Variants in GTF2F1 observed in about 807,000 individuals in gnomAD.
GTF2F1 encodes general transcription factor IIF 74 kDa subunit.
Under a neutral mutation model 63.5 loss-of-function variants are expected in GTF2F1, and 39 were observed. The observed-to-expected ratio is 0.61, with a 90% CI of 0.48 to 0.80. The LOEUF is 0.80. GTF2F1 is among the 30% of genes least tolerant of loss of function. GTF2F1 has a pLI of 0.00. For synonymous variants in GTF2F1, 287 were observed against 285.3 expected (o/e 1.01, Z -0.06); for missense variants, 657 against 718.3 (o/e 0.91, Z 0.97).
chr19:6,388,924 C>A (rs2091984470), intron 4 of GTF2F1, among the ~76,000 whole-genome samples: 1 of 152,128 alleles, frequency 6.6e-6, no homozygotes. Context: ...CCAGCCTGGG[C>A]AACGGAGTGA....
At position 6,383,454 on chromosome 19, in the gene GTF2F1, CGCT is replaced by C. The variant is rs1568329976; in HGVS notation, c.536_538del (p.Gln179del). On this transcript the variant is annotated inframe_deletion, in exon 6 of 13. Coordinates refer to ENST00000394456, the MANE Select transcript of GTF2F1 (RefSeq NM_002096.3). This position sits in a 1 kb window ranked among gnomAD's most constrained non-coding sequence, Gnocchi z 4.5. ...GTCCTGGTCCTGATCCTTGAGCCGCCGCTGCTGCATGATGCTGAAGTGGTTCAG... is the reference window on the plus strand; with the variant it reads ...GTCCTGGTCCTGATCCTTGAGCCGCCGCTGCATGATGCTGAAGTGGTTCAG... 1.9e-6 allele frequency: 3 copies of C among 1,614,150 alleles called. No individual in the cohort carries two copies. The highest frequency in any genetic ancestry group is 2.5e-6 in the Non-Finnish European group (3 of 1,180,034).
In GTF2F1 at chr19:6,380,161, C is replaced by G; in HGVS notation, c.*120G>C. ...GAGCAAGCAGGATGTCGAAGGGTCA[C>G]TGAGAGCCTGAAGTTCTGGAGGGCA... On this transcript the variant is annotated 3_prime_UTR_variant, in exon 13 of 13. Transcript: ENST00000394456. This position sits in a 1 kb window ranked among gnomAD's most constrained non-coding sequence, Gnocchi z 5.3. 1.1e-6 allele frequency: 1 copy of G among 880,490 alleles called. No individual in the cohort carries two copies. The allele number at this position is 880,490 out of a possible 1,614,324, so 54.5% of individuals were successfully genotyped here. A position where few individuals can be genotyped will look rare whatever the true frequency, so the allele number is the denominator to read the frequency against.
intron 2 of GTF2F1, chr19:6,392,202 C>G (rs1378787371): frequency 1.7e-6 from 1 of 581,758 alleles, no homozygotes; most frequent in South Asian, 1.5e-5. Context: ...AACAAACCCA[C>G]CCAGCTTCAT....
chr19:6,380,252 G>T lies in GTF2F1; in HGVS notation c.*29C>A. 6.3e-7 allele frequency: 1 copy of T among 1,581,170 alleles called. No homozygotes were observed. Among genetic ancestry groups the T allele is most frequent in the Non-Finnish European group, 8.7e-7 (1 of 1,149,990 alleles). On this transcript the variant is annotated 3_prime_UTR_variant, in exon 13 of 13. Transcript: ENST00000394456. The surrounding 1 kb of genome is among the most constrained non-coding windows in gnomAD (Gnocchi z 5.3). ...GGGGCAGTGAGAGCCTTAAGTTCTGGGGGGCAGAGCCATGTATTGGACCAA... is the reference window on the plus strand; with the variant it reads ...GGGGCAGTGAGAGCCTTAAGTTCTGTGGGGCAGAGCCATGTATTGGACCAA...
Position 6,381,101 on chromosome 19 carries a change from C to G in GTF2F1, c.1092+21G>C, listed in dbSNP as rs758103933. The G allele has an allele frequency of 5.0e-6, 8 of 1,608,444 alleles. No individual in the cohort carries two copies. Among genetic ancestry groups the G allele is most frequent in the Non-Finnish European group, 6.8e-6 (8 of 1,177,620 alleles). Reference sequence around the variant, plus strand: ...TGCAAACAGACGCCCAGGCCTCCCCCGCCACCGGGCTGGGCCTTACCGCCA... The same window carrying G: ...TGCAAACAGACGCCCAGGCCTCCCCGGCCACCGGGCTGGGCCTTACCGCCA... On this transcript the variant is annotated intron_variant, in intron 10 of 12. Coordinates refer to ENST00000394456, the MANE Select transcript of GTF2F1 (RefSeq NM_002096.3). The surrounding 1 kb of genome is among the most constrained non-coding windows in gnomAD (Gnocchi z 4.1).
At chr19:6,389,798 G>A in intron 3 of GTF2F1, 161 bp from the exon 4 acceptor site, 1 of 590,052 alleles carries the variant, frequency 1.7e-6, no homozygotes. Context: ...TGACAAATCT[G>A]GGTAAAGGGA....
rs371917624 is a variant in GTF2F1, at chr19:6,380,971, G to A, written c.1164C>T (p.Gly388=). 21 of 1,603,058 alleles carry A rather than the reference G, an allele frequency of 1.3e-5. No homozygotes were observed. The highest frequency in any genetic ancestry group is 1.8e-5 in the Non-Finnish European group (21 of 1,175,006). ...GGSSRGNSRP[G]TPSAEGGSTS... is the part of the protein sequence containing the mutation. The stretch of plus-strand genomic sequence containing the variant: ...TGCTGCCACCCTCTGCGCTGGGCGT[G>A]CCTGGGCGGCTGTTGCCCCTTGAGC... Residue 388 remains glycine, a synonymous_variant, in exon 11 of 13, where the codon GGC becomes GGT. Transcript: ENST00000394456. The surrounding 1 kb of genome is among the most constrained non-coding windows in gnomAD (Gnocchi z 5.3).
At position 6,384,055 on chromosome 19, in the gene GTF2F1, C is replaced by A. The variant is rs144149482; in HGVS notation, c.498-560G>T. Among the ~76,000 whole-genome samples the A allele has an allele frequency of 6.6e-3, 999 of 151,530 alleles. 6 individuals are homozygous for A. The highest frequency in any genetic ancestry group is 0.023 in the African/African-American group (940 of 41,372). On this transcript the variant is annotated intron_variant, in intron 5 of 12. Coordinates refer to ENST00000394456, the MANE Select transcript of GTF2F1 (RefSeq NM_002096.3). ...CTCCTGACCTCATGATCCACCTTGG[C>A]CTCCCAAAGTGCTGGGATTACAGGT...
In GTF2F1 at chr19:6,380,938, G is replaced by A. The variant is rs1337982980; in HGVS notation, c.1197C>T (p.Ser399=). The A allele has an allele frequency of 2.5e-6, 4 of 1,584,118 alleles. No individual in the cohort carries two copies. The highest frequency in any genetic ancestry group is 8.6e-7 in the Non-Finnish European group (1 of 1,166,038). ...GTTTGCTGGCAGCCGCCCGCAGGGT[G>A]GAGGAGGTGCTGCCACCCTCTGCGC... ...TPSAEGGSTS[S]TLRAAASKLE... is the part of the protein sequence containing the mutation. Residue 399 remains serine, a synonymous_variant, in exon 11 of 13, where the codon TCC becomes TCT. Transcript: ENST00000394456. This position sits in a 1 kb window ranked among gnomAD's most constrained non-coding sequence, Gnocchi z 5.3.
In GTF2F1 at chr19:6,381,819, C is replaced by G. The variant is rs754448801; in HGVS notation, c.714G>C (p.Ala238=). 1.9e-6 allele frequency: 3 copies of G among 1,613,516 alleles called. No individual in the cohort carries two copies. The part of the protein sequence containing the change: ...GGRVPKAKKK[A]PLAKGGRKKK... The stretch of plus-strand genomic sequence containing the variant: ...TTTTCCTGCCGCCCTTGGCCAGCGG[C>G]GCCTTCTTCTTGGCCTTGGGGACTC... Residue 238 remains alanine (A), a synonymous_variant, in exon 7 of 13, where the codon GCG becomes GCC. Transcript: ENST00000394456. This position sits in a 1 kb window ranked among gnomAD's most constrained non-coding sequence, Gnocchi z 4.1.
Position 6,381,531 on chromosome 19 carries a change from CG to C in GTF2F1, c.898+22del. 6.2e-7 allele frequency: 1 copy of C among 1,611,172 alleles called. No individual in the cohort carries two copies. On this transcript the variant is annotated intron_variant, in intron 8 of 12. Transcript: ENST00000394456. The surrounding 1 kb of genome is among the most constrained non-coding windows in gnomAD (Gnocchi z 4.1). Reference sequence around the variant, plus strand: ...CAGGGAAGCACCGCCCCCATCTCCCCGGCCCGCCCAGCCATCGCCTACCCTT... The same window carrying C: ...CAGGGAAGCACCGCCCCCATCTCCCCGCCCGCCCAGCCATCGCCTACCCTT...
chr19:6,381,958 C>A lies in GTF2F1; in HGVS notation c.683-108G>T. ...AGTTTTGACATCCTGGGGGGCCTCA[C>A]TGACTGGGGAGACTACACCTCCAGG... On this transcript the variant is annotated intron_variant, in intron 6 of 12. Transcript: ENST00000394456. This position sits in a 1 kb window ranked among gnomAD's most constrained non-coding sequence, Gnocchi z 4.1. 1.1e-6 allele frequency: 1 copy of A among 921,482 alleles called. No individual in the cohort carries two copies. 57.1% of individuals were successfully genotyped at this position (921,482 alleles called of 1,614,324 possible).
chr19:6,384,614 TACC>T (rs1258398945), intron 5 of GTF2F1, among the ~76,000 whole-genome samples: 5 of 151,924 alleles, frequency 3.3e-5, no homozygotes, highest in African/African-American at 1.2e-4. Context: ...TGAGTGGCTT[TACC>T]ACACTGAGCC....
At chr19:6,389,376 T>G in intron 4 of GTF2F1, 68 bp downstream of exon 4, 1 of 1,430,404 alleles carries the variant, frequency 7.0e-7, no homozygotes, top group Non-Finnish European at 9.7e-7. Context: ...CCCCACAAAG[T>G]ATGTAAGTTG....
At position 6,381,317 on chromosome 19, in the gene GTF2F1, G is replaced by T. The variant is rs1201899150; in HGVS notation, c.1018+42C>A. 1.3e-6 allele frequency: 2 copies of T among 1,546,100 alleles called. No individual in the cohort carries two copies. The highest frequency in any genetic ancestry group is 4.8e-5 in the East Asian group (2 of 41,430). The stretch of plus-strand genomic sequence containing the variant: ...GGGGAGGAGGTGGCAGGGCGCCAGG[G>T]CCCGACCCAAGCCTCCAATATGGGG... On this transcript the variant is annotated intron_variant, in intron 9 of 12. Coordinates refer to ENST00000394456, the MANE Select transcript of GTF2F1 (RefSeq NM_002096.3). The surrounding 1 kb of genome is among the most constrained non-coding windows in gnomAD (Gnocchi z 4.1).
rs1262169315 is a variant in GTF2F1, at chr19:6,380,808, C to T, written c.1231+96G>A. 19 of 1,496,028 alleles carry T rather than the reference C, an allele frequency of 1.3e-5. No individual in the cohort carries two copies. In the South Asian group the frequency reaches 2.0e-4, roughly 16 times the overall value. 92.7% of individuals were successfully genotyped at this position (1,496,028 alleles called of 1,614,324 possible). On this transcript the variant is annotated intron_variant, in intron 11 of 12. Coordinates refer to ENST00000394456, the MANE Select transcript of GTF2F1 (RefSeq NM_002096.3). This position sits in a 1 kb window ranked among gnomAD's most constrained non-coding sequence, Gnocchi z 5.3. The stretch of plus-strand genomic sequence containing the variant: ...AGGGGATCAGGGAGAGACAGGCCTC[C>T]ACCCGCATCTCCATCCCCTCTCTGT...
Position 6,383,963 on chromosome 19 carries a change from ATT to A in GTF2F1, c.498-470_498-469del, listed in dbSNP as rs558460545. Among the ~76,000 whole-genome samples, 5 of 138,288 alleles carry A rather than the reference ATT, an allele frequency of 3.6e-5. No homozygotes were observed. Among genetic ancestry groups the A allele is most frequent in the African/African-American group, 5.3e-5 (2 of 37,878 alleles). The allele number at this position is 138,288 out of a possible 152,430, so 90.7% of individuals were successfully genotyped here. ...AGGCGCCTGCCACCACGCCCAGCTA[ATT>A]TTTTTTTTTTTTTGTATTTTTAGTA... On this transcript the variant is annotated intron_variant, in intron 5 of 12. Coordinates refer to ENST00000394456, the MANE Select transcript of GTF2F1 (RefSeq NM_002096.3). This position sits in a 1 kb window ranked among gnomAD's most constrained non-coding sequence, Gnocchi z 4.5.
At position 6,381,199 on chromosome 19, in the gene GTF2F1, C is replaced by T. The variant is rs200336819; in HGVS notation, c.1019-4G>A. 37 of 1,604,812 alleles carry T rather than the reference C, an allele frequency of 2.3e-5. No individual in the cohort carries two copies. Among genetic ancestry groups the T allele is most frequent in the Middle Eastern group, 3.4e-4 (2 of 5,912 alleles). On this transcript the variant is annotated splice_polypyrimidine_tract_variant and splice_region_variant and intron_variant, in intron 9 of 12. Coordinates refer to ENST00000394456, the MANE Select transcript of GTF2F1 (RefSeq NM_002096.3). The surrounding 1 kb of genome is among the most constrained non-coding windows in gnomAD (Gnocchi z 4.1). ...CTGTCCGACTCCTCGCTGCTGTCTGCGGGGCACAGGAAAGGGGTCAGGGCC... is the reference window on the plus strand; with the variant it reads ...CTGTCCGACTCCTCGCTGCTGTCTGTGGGGCACAGGAAAGGGGTCAGGGCC...
At chr19:6,386,050 T>C (rs576807473) in intron 5 of GTF2F1, among the ~76,000 whole-genome samples, 1 of 152,004 alleles carries the variant, frequency 6.6e-6, no homozygotes, top group East Asian at 1.9e-4. Flanking sequence ...CACTCCAGCC[T>C]GGGTGACAGA....
Sources: allele counts gnomAD v4.1 joint callset (sites outside exome capture counted in the v4.1 genomes callset), GRCh38; gene constraint gnomAD v4.1.1; non-coding constraint Gnocchi (gnomAD v3.1); transcripts MANE v1.5; gene names NCBI Gene and HGNC (gene_info 2026-07-23, HGNC 2026-07-21).